KHDRBS3: variants seen among roughly 807,000 people sequenced by gnomAD.
The protein encoded by KHDRBS3 is KH domain-containing, RNA-binding, signal transduction-associated protein 3.
In KHDRBS3, 23 loss-of-function variants were observed where a neutral mutation model predicts 45.6. The ratio of observed to expected loss-of-function variants is 0.50; its 90% CI spans 0.36 to 0.72. The LOEUF is 0.72. KHDRBS3 is among the 30% of genes least tolerant of loss of function. The pLI is 0.00. For missense variants in KHDRBS3, 352 were observed against 424.8 expected (o/e 0.83, Z 1.51); for synonymous variants, 162 against 156.5 (o/e 1.04, Z -0.26).
intron 2 of KHDRBS3, chr8:135,542,041 T>G (rs769981935): frequency 2.0e-5 from 3 of 152,200 alleles, no homozygotes; most frequent in Non-Finnish European, 4.4e-5. Context: ...AGGCATACCC[T>G]TAATTAATTC....
chr8:135,577,993 T>G (rs940502686), intron 5 of KHDRBS3, among the ~76,000 whole-genome samples: 1 of 152,220 alleles, frequency 6.6e-6, no homozygotes, highest in African/African-American at 2.4e-5. Flanking sequence ...CAAATGATGT[T>G]GAACATCTTT....
At chr8:135,575,251 G>T (rs959607126) in intron 5 of KHDRBS3, among the ~76,000 whole-genome samples, 2 of 152,212 alleles carry the variant, frequency 1.3e-5, no homozygotes, top group African/African-American at 4.8e-5. Context: ...ATATGCACCT[G>T]TAGTGGCTTA....
intron 7 of KHDRBS3, among the ~76,000 whole-genome samples, chr8:135,637,874 C>T (rs913743722): frequency 2.6e-5 from 4 of 152,140 alleles, no homozygotes; most frequent in African/African-American, 9.7e-5. Context: ...TATCTAAGTG[C>T]ATTGTAAACT....
chr8:135,643,236 A>C (rs1455926404), intron 7 of KHDRBS3, among the ~76,000 whole-genome samples: 3 of 152,106 alleles, frequency 2.0e-5, no homozygotes, highest in Non-Finnish European at 4.4e-5. Flanking sequence ...GCCTCTGTCC[A>C]TTCCTTCTCC....
At chr8:135,508,676 GTCA>G (rs1391429730) in intron 1 of KHDRBS3, among the ~76,000 whole-genome samples, 1 of 152,074 alleles carries the variant, frequency 6.6e-6, no homozygotes, top group Non-Finnish European at 1.5e-5. Flanking sequence ...AGTGACTTAA[GTCA>G]TTACTAACTT....
At chr8:135,478,544 A>G (rs913637381) in intron 1 of KHDRBS3, among the ~76,000 whole-genome samples, 5 of 152,230 alleles carry the variant, frequency 3.3e-5, no homozygotes, top group Middle Eastern at 3.2e-3. Context: ...TCAAGTGCAC[A>G]TGAGGTGTTC....
chr8:135,557,436 T>C lies in KHDRBS3; in HGVS notation c.472-12T>C, dbSNP rs772621910. 1 of 1,576,268 alleles carries C rather than the reference T, an allele frequency of 6.3e-7. No individual in the cohort carries two copies. The highest frequency in any genetic ancestry group is 1.2e-5 in the South Asian group (1 of 85,650). On this transcript the variant is annotated splice_polypyrimidine_tract_variant and intron_variant, in intron 4 of 8. Transcript: ENST00000355849. ...ATGAAGTGAATTTTGCTATCTTCTG[T>C]CTTTTGTGTAGGATTATAATGATGA...
At position 135,647,501 on chromosome 8, in the gene KHDRBS3, A is replaced by G. The variant is rs1831343726; in HGVS notation, c.*417A>G. The G allele has an allele frequency of 6.5e-6, 1 of 153,502 alleles. No homozygotes were observed. Among genetic ancestry groups the G allele is most frequent in the Non-Finnish European group, 1.5e-5 (1 of 68,682 alleles). The allele number at this position is 153,502 out of a possible 1,614,324, so 9.5% of individuals were successfully genotyped here. The stretch of plus-strand genomic sequence containing the variant: ...CCAACATGCGTAAAAAGGGAAGCCA[A>G]TTACAAGTGCAAATAATGTGGTATT... On this transcript the variant is annotated 3_prime_UTR_variant, in exon 9 of 9. Transcript: ENST00000355849.
intron 6 of KHDRBS3, among the ~76,000 whole-genome samples, chr8:135,597,844 C>T (rs1317148315): frequency 1.3e-5 from 2 of 152,088 alleles, no homozygotes; most frequent in African/African-American, 4.8e-5. Context: ...GGTTTAATTT[C>T]ATTTTCTTTA....
At chr8:135,591,021 A>G (rs1828719287) in intron 6 of KHDRBS3, among the ~76,000 whole-genome samples, 1 of 152,216 alleles carries the variant, frequency 6.6e-6, no homozygotes, top group Non-Finnish European at 1.5e-5. Context: ...TTCAGCAGAT[A>G]TTTTTTATTC....
chr8:135,626,002 G>T, intron 7 of KHDRBS3: 2 of 702,240 alleles, frequency 2.8e-6, no homozygotes, highest in South Asian at 3.2e-5. Context: ...TGGCGGAACC[G>T]TGTCCACTGC....
At chr8:135,472,193 C>G (rs886604173) in intron 1 of KHDRBS3, among the ~76,000 whole-genome samples, 1 of 152,202 alleles carries the variant, frequency 6.6e-6, no homozygotes, top group Non-Finnish European at 1.5e-5. Flanking sequence ...CAAGAGTGTT[C>G]ACTCTATGGC....
At chr8:135,629,005 T>C (rs565149396) in intron 7 of KHDRBS3, among the ~76,000 whole-genome samples, 7 of 152,312 alleles carry the variant, frequency 4.6e-5, no homozygotes, top group African/African-American at 1.7e-4. Flanking sequence ...TGAAGGCCAG[T>C]GGTTGGGCCA....
intron 7 of KHDRBS3, among the ~76,000 whole-genome samples, chr8:135,618,194 G>A (rs1433424583): frequency 6.6e-6 from 1 of 152,182 alleles, no homozygotes; most frequent in Non-Finnish European, 1.5e-5. Context: ...TTTGCAATAA[G>A]TGCCTGAACT....
intron 1 of KHDRBS3, among the ~76,000 whole-genome samples, chr8:135,474,682 T>C (rs192528489): frequency 1.2e-3 from 177 of 152,352 alleles, no homozygotes; most frequent in Non-Finnish European, 1.2e-3. Context: ...AAAAAAATGC[T>C]TTTTCTTTTT....
chr8:135,574,149 G>A (rs992812172), intron 5 of KHDRBS3, among the ~76,000 whole-genome samples: 6 of 99,788 alleles, frequency 6.0e-5, no homozygotes, highest in African/African-American at 2.2e-4. Context: ...TCTTGTGTTA[G>A]CACGTCACCT....
At chr8:135,630,050 A>G (rs1424256060) in intron 7 of KHDRBS3, among the ~76,000 whole-genome samples, 1 of 152,242 alleles carries the variant, frequency 6.6e-6, no homozygotes, top group Non-Finnish European at 1.5e-5. Flanking sequence ...CAGCATTTAC[A>G]GCGACATGAT....
downstream of KHDRBS3, among the ~76,000 whole-genome samples, chr8:135,650,165 C>T (rs1831399839): frequency 6.6e-6 from 1 of 152,182 alleles, no homozygotes; most frequent in African/African-American, 2.4e-5. Context: ...AGGCACTGGT[C>T]ATACAAAGAC....
At chr8:135,582,211 T>C (rs1828250085) in intron 6 of KHDRBS3, 138 bp downstream of exon 6, 2 of 823,296 alleles carry the variant, frequency 2.4e-6, no homozygotes, top group African/African-American at 1.8e-5. Flanking sequence ...CAAATATTTA[T>C]TGAGTGCTAA....
Sources: gnomAD v4.1 joint callset for allele counts (sites outside exome capture counted in the v4.1 genomes callset) on GRCh38, gnomAD v4.1.1 for gene constraint, MANE v1.5 for transcripts, NCBI Gene and HGNC (gene_info 2026-07-23, HGNC 2026-07-21) for gene names.